The following ZMIZ1 variants were observed in gnomAD, a reference collection of about 807,000 sequenced individuals.
ZMIZ1 encodes zinc finger MIZ domain-containing protein 1.
ZMIZ1 carries 17 observed loss-of-function variants against 113.9 expected under a neutral mutation model. The ratio of observed to expected loss-of-function variants is 0.15; its 90% CI spans 0.10 to 0.22. The LOEUF (loss-of-function observed/expected upper bound fraction) is 0.22. Ranked by LOEUF, ZMIZ1 falls within the 10% of genes least tolerant of loss-of-function variation. ZMIZ1 has a pLI of 1.00. For synonymous variants in ZMIZ1, 607 were observed against 603.1 expected, an observed-to-expected ratio of 1.01 and a Z score of -0.09; for missense variants, 1,059 against 1,477.8, an observed-to-expected ratio of 0.72 and a Z score of 4.65.
chr10:79,078,488 A>G (rs1348016861), intron 1 of ZMIZ1, among the ~76,000 whole-genome samples: 1 of 147,168 alleles, frequency 6.8e-6, no homozygotes, highest in African/African-American at 2.5e-5. Flanking sequence ...TGTCAAACCT[A>G]TTTGCCTGGA....
In ZMIZ1 at chr10:79,311,121, C is replaced by T; in HGVS notation, c.3033C>T (p.Ser1011=). 1.2e-6 allele frequency: 2 copies of T among 1,613,804 alleles called. No homozygotes were observed. Among genetic ancestry groups the T allele is most frequent in the Middle Eastern group, 1.6e-4 (1 of 6,062 alleles). ...HPHSDLTFNP[S]SALEGQAGAQ... is the part of the protein sequence containing the mutation. The stretch of plus-strand genomic sequence containing the variant: ...ACAGCGACCTGACCTTTAACCCCTC[C>T]TCAGCCTTAGAGGGTCAGGCCGGAG... The change falls in exon 24 of 25, where the codon TCC becomes TCT. Residue 1011 remains serine, a synonymous_variant. Coordinates refer to ENST00000334512, the MANE Select transcript of ZMIZ1 (RefSeq NM_020338.4).
rs548397838 is a variant in ZMIZ1 at position 79,281,710 on chromosome 10, G to T, written c.425+4385G>T. ...GTGGCTAACCAGTCGGTTCCGTGGA[G>T]CGAGGCTTCCTCGTGGGAGCACAGG... On this transcript the variant is annotated intron_variant, in intron 8 of 24. Coordinates refer to ENST00000334512, the MANE Select transcript of ZMIZ1 (RefSeq NM_020338.4). Among the ~76,000 whole-genome samples the T allele has an allele frequency of 3.9e-5, 6 of 152,384 alleles. No homozygotes were observed. In the South Asian group the frequency reaches 1.2e-3, roughly 32 times the overall value.
At chr10:79,265,536 T>C (rs1851552603) in intron 7 of ZMIZ1, among the ~76,000 whole-genome samples, 1 of 143,958 alleles carries the variant, frequency 6.9e-6, no homozygotes, top group Non-Finnish European at 1.5e-5. Context: ...GAGCAGAACA[T>C]GGGAATGATC....
intron 7 of ZMIZ1, among the ~76,000 whole-genome samples, chr10:79,238,793 A>G (rs948860810): frequency 1.3e-5 from 2 of 152,238 alleles, no homozygotes; most frequent in South Asian, 2.1e-4. Context: ...GTTTCTGTAC[A>G]GTGGAAATAG....
chr10:79,162,041 C>CT lies in ZMIZ1; in HGVS notation c.-130-9dup. 1 of 399,168 alleles carries CT rather than the reference C, an allele frequency of 2.5e-6. No individual in the cohort carries two copies. 24.7% of individuals were successfully genotyped at this position (399,168 alleles called of 1,614,324 possible). On this transcript the variant is annotated splice_polypyrimidine_tract_variant and intron_variant, in intron 3 of 24. Coordinates refer to ENST00000334512, the MANE Select transcript of ZMIZ1 (RefSeq NM_020338.4). ...TGTGGGTAGACCCGCTGACCTCCCA[C>CT]TTTCATTGCAGCAGGATGGAGCTGG... is the stretch of plus-strand genomic sequence containing the variant.
At chr10:79,136,428 C>T (rs1398278343) in intron 2 of ZMIZ1, among the ~76,000 whole-genome samples, 1 of 152,216 alleles carries the variant, frequency 6.6e-6, no homozygotes, top group African/African-American at 2.4e-5. Context: ...CTGCCGAGAT[C>T]TTGGGGTGTG....
At chr10:79,298,701 C>A (rs1047426837) in intron 15 of ZMIZ1, 121 bp downstream of exon 15, 1 of 944,594 alleles carries the variant, frequency 1.1e-6, no homozygotes, top group Non-Finnish European at 1.5e-6. Context: ...GAGTTGAGAG[C>A]AGGTGAGATA....
chr10:79,256,382 G>T lies in ZMIZ1; in HGVS notation c.281-20799G>T, dbSNP rs555711640. 4.0e-4 allele frequency among the ~76,000 whole-genome samples: 61 copies of T among 152,012 alleles called. 1 individual carries two copies. Among genetic ancestry groups the T allele is most frequent in the Non-Finnish European group, 8.4e-4 (57 of 67,968 alleles). ...CAGTAGCCTTCCCCACTATCTCCCA[G>T]CCCTCGGTGGACTCTGGCCAGCATC... On this transcript the variant is annotated intron_variant, in intron 7 of 24. Coordinates refer to ENST00000334512, the MANE Select transcript of ZMIZ1 (RefSeq NM_020338.4).
At chr10:79,216,493 G>A (rs981301581) in intron 7 of ZMIZ1, 4 of 417,502 alleles carry the variant, frequency 9.6e-6, no homozygotes, top group African/African-American at 2.1e-5. Flanking sequence ...CAGGGGTACT[G>A]CAGGGCCAGA....
intron 4 of ZMIZ1, among the ~76,000 whole-genome samples, chr10:79,187,942 C>A (rs4980042): frequency 0.19 from 29,531 of 152,096 alleles, 3,280 homozygotes; most frequent in South Asian, 0.3. Context: ...TCTGATAGAT[C>A]TGGGTTTGGA....
chr10:79,088,613 T>C (rs1842890009), intron 1 of ZMIZ1, among the ~76,000 whole-genome samples: 1 of 152,048 alleles, frequency 6.6e-6, no homozygotes, highest in Admixed American at 6.5e-5. Context: ...CCTACAGGCT[T>C]TAAGCAGAGG....
chr10:79,070,073 C>T (rs1842206779), intron 1 of ZMIZ1, among the ~76,000 whole-genome samples: 1 of 141,774 alleles, frequency 7.1e-6, no homozygotes, highest in Non-Finnish European at 1.5e-5. Context: ...TCTCCGTCTC[C>T]GGCGGCGGTG....
At chr10:79,292,506 A>G (rs34086099) in intron 11 of ZMIZ1, 150 bp downstream of exon 11, 17,141 of 1,073,064 alleles carry the variant, frequency 0.016, 536 homozygotes, top group African/African-American at 0.12. Context: ...TCATGGAAGC[A>G]TGTGGAGGTC....
intron 7 of ZMIZ1, among the ~76,000 whole-genome samples, chr10:79,248,197 A>G (rs1014128025): frequency 2.0e-5 from 3 of 152,122 alleles, no homozygotes; most frequent in Non-Finnish European, 4.4e-5. Context: ...GGAAGAGGGG[A>G]AAATGGTGAC....
chr10:79,113,736 G>A (rs576190217), intron 1 of ZMIZ1, among the ~76,000 whole-genome samples: 3 of 151,786 alleles, frequency 2.0e-5, no homozygotes, highest in African/African-American at 7.3e-5. Context: ...GACTTTTTTG[G>A]TGAAGGCTTC....
chr10:79,150,432 C>T (rs886611226), intron 3 of ZMIZ1, among the ~76,000 whole-genome samples: 4 of 152,260 alleles, frequency 2.6e-5, no homozygotes, highest in Admixed American at 1.3e-4. Context: ...GTCCTGCACC[C>T]CCCACACATG....
chr10:79,307,578 ACCT>A lies in ZMIZ1; in HGVS notation c.2835+15_2835+17del. ...CCACCCCATGCAGGAAACTGTGAGT[ACCT>A]CCTCCTCACCCCATTCCATTCCCCA... On this transcript the variant is annotated splice_region_variant and intron_variant, in intron 23 of 24. Transcript: ENST00000334512. The A allele has an allele frequency of 6.2e-7, 1 of 1,603,322 alleles. No individual in the cohort carries two copies. Among genetic ancestry groups the A allele is most frequent in the Non-Finnish European group, 8.5e-7 (1 of 1,175,056 alleles).
At chr10:79,156,033 C>T (rs1022729239) in intron 3 of ZMIZ1, among the ~76,000 whole-genome samples, 1 of 152,260 alleles carries the variant, frequency 6.6e-6, no homozygotes, top group Non-Finnish European at 1.5e-5. Context: ...AGCACAAAGG[C>T]TGGGCAAGTG....
intron 1 of ZMIZ1, among the ~76,000 whole-genome samples, chr10:79,077,471 G>T (rs984182539): frequency 2.0e-5 from 3 of 152,026 alleles, no homozygotes; most frequent in Admixed American, 6.6e-5. Flanking sequence ...CACTAAGAGT[G>T]GGGGGTTCTG....
Sources: gnomAD v4.1 joint callset for allele counts (sites outside exome capture counted in the v4.1 genomes callset) on GRCh38, gnomAD v4.1.1 for gene constraint, MANE v1.5 for transcripts, NCBI Gene and HGNC (gene_info 2026-07-23, HGNC 2026-07-21) for gene names.